The following CENPW variants were observed in gnomAD, a reference collection of about 807,000 sequenced individuals.
CENPW encodes the protein cancer-up-regulated gene 2 protein.
A neutral mutation model predicts 11.1 loss-of-function variants in CENPW; 3 were observed. That is an observed-to-expected ratio of 0.27 (90% confidence interval 0.12 to 0.70). The LOEUF is 0.70. CENPW is among the 30% of genes least tolerant of loss of function. CENPW has a pLI of 0.77. For missense variants in CENPW, 100 were observed against 105.6 expected (o/e 0.95, Z 0.23); for synonymous variants, 38 against 42.0 (o/e 0.91, Z 0.37).
chr6:126,456,945 T>C, the CENPW span, among the ~76,000 whole-genome samples: 1 of 151,472 alleles, frequency 6.6e-6, no homozygotes, highest in Non-Finnish European at 1.5e-5. Context: ...CATGAAAACA[T>C]GCTATACACC....
chr6:126,365,095 G>A, the CENPW span, among the ~76,000 whole-genome samples: 1 of 152,180 alleles, frequency 6.6e-6, no homozygotes, highest in Admixed American at 6.5e-5. Flanking sequence ...GATGTGAAAT[G>A]ACTTAGTATT....
chr6:126,371,511 T>C, the CENPW span, among the ~76,000 whole-genome samples: 1 of 152,226 alleles, frequency 6.6e-6, no homozygotes, highest in Non-Finnish European at 1.5e-5. Flanking sequence ...TAAGGATTTT[T>C]ATATCTGTAT....
At chr6:126,422,153 C>T in the CENPW span, among the ~76,000 whole-genome samples, 5 of 152,078 alleles carry the variant, frequency 3.3e-5, no homozygotes, top group South Asian at 4.2e-4. Context: ...TATATTTTCT[C>T]GCAAGGAAAA....
At chr6:126,433,423 T>C in the CENPW span, among the ~76,000 whole-genome samples, 1 of 152,190 alleles carries the variant, frequency 6.6e-6, no homozygotes, top group Non-Finnish European at 1.5e-5. Context: ...AAGAAGAAGA[T>C]AATAAGCATT....
chr6:126,430,093 C>G, the CENPW span, among the ~76,000 whole-genome samples: 1 of 152,134 alleles, frequency 6.6e-6, no homozygotes, highest in Admixed American at 6.5e-5. Context: ...GAATGCCTGG[C>G]TTTAGAGTTA....
At chr6:126,402,045 G>A in the CENPW span, among the ~76,000 whole-genome samples, 3 of 151,990 alleles carry the variant, frequency 2.0e-5, no homozygotes, top group Non-Finnish European at 2.9e-5. Flanking sequence ...GATTGCCCTG[G>A]AACCTGGACT....
At chr6:126,477,044 G>T in the CENPW span, among the ~76,000 whole-genome samples, 1 of 151,930 alleles carries the variant, frequency 6.6e-6, no homozygotes, top group African/African-American at 2.4e-5. Context: ...AATAAAAGCT[G>T]AAGAAATTAA....
chr6:126,455,644 C>T, the CENPW span, among the ~76,000 whole-genome samples: 20 of 151,382 alleles, frequency 1.3e-4, no homozygotes, highest in Admixed American at 6.6e-4. Context: ...GAAGCATTCC[C>T]CTTGAAAATC....
chr6:126,385,404 C>T, the CENPW span, among the ~76,000 whole-genome samples: 2 of 152,162 alleles, frequency 1.3e-5, no homozygotes, highest in South Asian at 2.1e-4. Context: ...GGTGCATATA[C>T]CATGGAATAT....
chr6:126,386,014 C>T, the CENPW span, among the ~76,000 whole-genome samples: 4 of 151,922 alleles, frequency 2.6e-5, no homozygotes, highest in Non-Finnish European at 5.9e-5. Flanking sequence ...ATTCATAAAC[C>T]AAGAGAGTAT....
the CENPW span, among the ~76,000 whole-genome samples, chr6:126,445,867 C>T: frequency 1.3e-5 from 2 of 151,184 alleles, no homozygotes; most frequent in South Asian, 2.1e-4. Context: ...GTTTTCTTCT[C>T]ACCTAATAAA....
At chr6:126,402,443 A>G in the CENPW span, among the ~76,000 whole-genome samples, 1 of 151,930 alleles carries the variant, frequency 6.6e-6, no homozygotes, top group African/African-American at 2.4e-5. Flanking sequence ...ACTACTATCA[A>G]TTTTAGAATA....
chr6:126,403,659 G>A, the CENPW span, among the ~76,000 whole-genome samples: 2 of 151,944 alleles, frequency 1.3e-5, no homozygotes. Context: ...AAAAGTACAA[G>A]ATGAAACAGT....
chr6:126,481,651 T>A, the CENPW span, among the ~76,000 whole-genome samples: 4 of 152,078 alleles, frequency 2.6e-5, no homozygotes, highest in African/African-American at 9.7e-5. Context: ...CTCTTGAAGG[T>A]CCCACTCTTA....
chr6:126,388,677 G>T, the CENPW span, among the ~76,000 whole-genome samples: 1 of 151,946 alleles, frequency 6.6e-6, no homozygotes, highest in African/African-American at 2.4e-5. Flanking sequence ...GGCCATTATA[G>T]TCATTTGGGC....
the CENPW span, among the ~76,000 whole-genome samples, chr6:126,436,382 A>C: frequency 6.6e-6 from 1 of 151,934 alleles, no homozygotes; most frequent in African/African-American, 2.4e-5. Context: ...GAAAATGATC[A>C]CAAATCTGTT....
the CENPW span, among the ~76,000 whole-genome samples, chr6:126,462,674 T>C: frequency 1.3e-5 from 2 of 151,844 alleles, no homozygotes; most frequent in African/African-American, 4.8e-5. Flanking sequence ...CTGAGACCAA[T>C]ATACAAAATA....
chr6:126,415,562 G>C, the CENPW span, among the ~76,000 whole-genome samples: 3 of 152,068 alleles, frequency 2.0e-5, no homozygotes, highest in Non-Finnish European at 2.9e-5. Context: ...TAAGTGATAT[G>C]GTTTGGCTGT....
rs41285260 is a variant in CENPW at position 126,340,356 on chromosome 6, G to T, written c.83G>T (p.Arg28Leu). The change falls in exon 1 of 3, where the codon CGA becomes CTA. Residue 28 changes from arginine to leucine, a missense_variant. Arg to Leu is a moderately radical substitution (Grantham distance 102). Transcript: ENST00000368328. ...PRGFLKRVFK[R>L]KKPQLRLEKS... ...GGCTTTCTAAAGCGAGTCTTCAAGC[G>T]AAAGAAGCCTCAACTTCGTCTGGAG... 0.079 allele frequency: 127,341 copies of T among 1,614,008 alleles called. 5,495 individuals are homozygous for T. The highest frequency in any genetic ancestry group is 0.13 in the Middle Eastern group (786 of 6,034).
Sources: allele counts gnomAD v4.1 joint callset (sites outside exome capture counted in the v4.1 genomes callset), GRCh38; gene constraint gnomAD v4.1.1; transcripts MANE v1.5; gene names NCBI Gene and HGNC (gene_info 2026-07-23, HGNC 2026-07-21).